The following PTPRC variants were observed in gnomAD, a reference collection of about 807,000 sequenced individuals.
PTPRC encodes protein tyrosine phosphatase receptor type C, also known as receptor-type tyrosine-protein phosphatase C.
A neutral mutation model predicts 155.9 loss-of-function variants in PTPRC; 44 were observed. That is an observed-to-expected ratio of 0.28 (90% CI 0.22 to 0.36). PTPRC has a LOEUF of 0.36. Among genes scored for constraint, PTPRC ranks in the 10% least tolerant of loss-of-function variants. PTPRC has a pLI of 1.00. For synonymous variants in PTPRC, 525 were observed against 533.1 expected, an observed-to-expected ratio of 0.98 and a Z score of 0.21; for missense variants, 1,401 against 1,564.6, an observed-to-expected ratio of 0.90 and a Z score of 1.76.
chr1:198,689,610 A>C (rs1185145906), intron 2 of PTPRC, among the ~76,000 whole-genome samples: 1 of 152,136 alleles, frequency 6.6e-6, no homozygotes, highest in East Asian at 1.9e-4. Context: ...AAAAAGTTCA[A>C]GCTCCTTTTC....
chr1:198,725,367 A>G (rs1290595447), intron 15 of PTPRC, among the ~76,000 whole-genome samples: 2 of 152,278 alleles, frequency 1.3e-5, no homozygotes, highest in East Asian at 3.9e-4. Flanking sequence ...TCCTTAGAAG[A>G]TCTTGGTGAC....
chr1:198,640,493 G>C (rs1367983220), intron 2 of PTPRC, among the ~76,000 whole-genome samples: 4 of 151,864 alleles, frequency 2.6e-5, no homozygotes, highest in African/African-American at 9.7e-5. Context: ...TGTTGTTGTT[G>C]TTGTGGCTGT....
At chr1:198,754,516 T>C in intron 32 of PTPRC, 112 bp downstream of exon 32, 1 of 1,267,140 alleles carries the variant, frequency 7.9e-7, no homozygotes, top group Non-Finnish European at 1.1e-6. Flanking sequence ...TTTTTTCCCC[T>C]TTCCTTTTCT....
rs555156322 is a variant in PTPRC, at chr1:198,731,291, T to G, written c.1865-326T>G. 1.8e-3 allele frequency among the ~76,000 whole-genome samples: 272 copies of G among 152,128 alleles called. 2 individuals are homozygous for G. The highest frequency in any genetic ancestry group is 3.7e-3 in the South Asian group (18 of 4,822). On this transcript the variant is annotated intron_variant, in intron 17 of 32. Transcript: ENST00000442510. Reference sequence around the variant, plus strand: ...TTGTATTATAAATAAATAATTATAGTAATTGCTATAAAATGCATATAGTCA... The same window carrying G: ...TTGTATTATAAATAAATAATTATAGGAATTGCTATAAAATGCATATAGTCA...
intron 2 of PTPRC, among the ~76,000 whole-genome samples, chr1:198,658,170 C>T (rs1381661127): frequency 6.6e-6 from 1 of 152,074 alleles, no homozygotes; most frequent in Non-Finnish European, 1.5e-5. Context: ...TTTCCTTTGT[C>T]TTTGTATAGG....
chr1:198,659,377 G>A (rs2102245028), intron 2 of PTPRC, among the ~76,000 whole-genome samples: 1 of 152,230 alleles, frequency 6.6e-6, no homozygotes, highest in Admixed American at 6.5e-5. Flanking sequence ...TTGTGGAAAA[G>A]ATACATGTGG....
intron 6 of PTPRC, 134 bp from the exon 7 acceptor site, chr1:198,703,164 A>G: frequency 1.7e-6 from 2 of 1,180,130 alleles, no homozygotes; most frequent in Admixed American, 2.1e-5. Context: ...TTTAAAAACA[A>G]GCGAATGTCA....
chr1:198,686,688 G>A (rs775766351), intron 2 of PTPRC, among the ~76,000 whole-genome samples: 30 of 152,082 alleles, frequency 2.0e-4, no homozygotes, highest in South Asian at 2.1e-4. Context: ...TACATATATT[G>A]TAGTGTAATT....
chr1:198,754,044 G>A (rs1010069293), intron 31 of PTPRC, among the ~76,000 whole-genome samples: 4 of 151,956 alleles, frequency 2.6e-5, no homozygotes, highest in South Asian at 2.1e-4. Flanking sequence ...TTGTAAAGTC[G>A]AAGACAAATA....
At chr1:198,717,435 A>T (rs1000768159) in intron 13 of PTPRC, among the ~76,000 whole-genome samples, 3 of 152,182 alleles carry the variant, frequency 2.0e-5, no homozygotes, top group African/African-American at 7.2e-5. Context: ...GTTAACCTCC[A>T]TCGAGGACAG....
intron 2 of PTPRC, among the ~76,000 whole-genome samples, chr1:198,670,687 C>T (rs1464169706): frequency 1.3e-5 from 2 of 152,088 alleles, no homozygotes; most frequent in Non-Finnish European, 2.9e-5. Context: ...TTCATACTCC[C>T]TATTGCTCTT....
Position 198,734,433 on chromosome 1 carries a change from C to G in PTPRC, c.2277+8C>G, listed in dbSNP as rs1654531943. On this transcript the variant is annotated splice_region_variant and intron_variant, in intron 22 of 32. Coordinates refer to ENST00000442510, the MANE Select transcript of PTPRC (RefSeq NM_002838.5). ...TGTGAAGAAGGAAACAGGGTAAGAA[C>G]CAAGAAGATTCATAGTGTGGGTCTT... is the stretch of plus-strand genomic sequence containing the variant. 1 of 1,608,886 alleles carries G rather than the reference C, an allele frequency of 6.2e-7. No homozygotes were observed. Among genetic ancestry groups the G allele is most frequent in the Non-Finnish European group, 8.5e-7 (1 of 1,176,184 alleles).
At chr1:198,716,935 C>A in intron 13 of PTPRC, 95 bp downstream of exon 13, 1 of 1,180,278 alleles carries the variant, frequency 8.5e-7, no homozygotes, top group Non-Finnish European at 1.2e-6. Flanking sequence ...TTCTAGCAAG[C>A]ACATTTACCT....
intron 26 of PTPRC, among the ~76,000 whole-genome samples, chr1:198,745,860 A>ATAAG (rs1467098725): frequency 1.3e-5 from 2 of 151,836 alleles, no homozygotes; most frequent in Non-Finnish European, 2.9e-5. Flanking sequence ...AGTAAGGATA[A>ATAAG]TAAGTTGGAG....
At chr1:198,733,505 T>G (rs1464264870) in intron 20 of PTPRC, among the ~76,000 whole-genome samples, 1 of 151,850 alleles carries the variant, frequency 6.6e-6, no homozygotes, top group East Asian at 1.9e-4. Context: ...ATGTTTCAAA[T>G]TTAATCCAAT....
chr1:198,668,754 AG>A (rs1664470689), intron 2 of PTPRC, among the ~76,000 whole-genome samples: 2 of 152,230 alleles, frequency 1.3e-5, no homozygotes, highest in Admixed American at 6.5e-5. Context: ...AGATCCCAAA[AG>A]GGCATGGCTG....
At chr1:198,725,578 C>T (rs1021739951) in intron 15 of PTPRC, among the ~76,000 whole-genome samples, 1 of 152,082 alleles carries the variant, frequency 6.6e-6, no homozygotes. Flanking sequence ...ATTACATTGT[C>T]CTCCTAATTT....
intron 2 of PTPRC, chr1:198,660,810 T>C (rs755106986): frequency 2.6e-5 from 4 of 152,154 alleles, no homozygotes; most frequent in Non-Finnish European, 4.4e-5. Flanking sequence ...GATCCAAAAA[T>C]GCATTATATT....
In PTPRC at chr1:198,755,927, G is replaced by A. The variant is rs1445993458; in HGVS notation, c.3667G>A (p.Asp1223Asn). The A allele has an allele frequency of 3.1e-6, 5 of 1,611,412 alleles. No homozygotes were observed. The highest frequency in any genetic ancestry group is 1.7e-4 in the Middle Eastern group (1 of 6,054). ...STFEQYQFLY[D>N]VIASTYPAQN... is the part of the protein sequence containing the mutation. ...CTAGGAGCAATATCAATTCCTATAT[G>A]ACGTCATTGCCAGCACCTACCCTGC... The change falls in exon 33 of 33, where the codon GAC becomes AAC. Residue 1223 changes from aspartate (D) to asparagine (N), a missense_variant. Around this residue, in one of 3 missense-constraint regions of PTPRC, gnomAD observed 400 missense variants for 389.5 expected, o/e 1.03. Transcript: ENST00000442510.
Sources: allele counts gnomAD v4.1 joint callset (sites outside exome capture counted in the v4.1 genomes callset), GRCh38; gene constraint gnomAD v4.1.1; regional missense constraint gnomAD v4.1.1; transcripts MANE v1.5; gene names NCBI Gene and HGNC (gene_info 2026-07-23, HGNC 2026-07-21).